The following SLC24A2 variants were observed in gnomAD, a reference collection of about 807,000 sequenced individuals.
SLC24A2 encodes sodium/potassium/calcium exchanger 2.
In SLC24A2, 36 loss-of-function variants were observed where a neutral mutation model predicts 62.0. That is an observed-to-expected ratio of 0.58 (90% CI 0.44 to 0.77). The LOEUF (loss-of-function observed/expected upper bound fraction) is 0.77, where lower values mean the gene tolerates loss of function less well. Ranked by LOEUF, SLC24A2 falls within the 30% of genes least tolerant of loss-of-function variation. The probability of loss-of-function intolerance (pLI) is 0.00; values close to 1 mark genes in which losing one functional copy is unlikely to be tolerated. For missense variants in SLC24A2, 846 were observed against 817.9 expected, an observed-to-expected ratio of 1.03 and a Z score of -0.42; for synonymous variants, 358 against 294.0, an observed-to-expected ratio of 1.22 and a Z score of -2.23.
At chr9:20,076,624 C>T in the SLC24A2 span, among the ~76,000 whole-genome samples, 251 of 152,152 alleles carry the variant, frequency 1.6e-3, no homozygotes, top group African/African-American at 5.2e-3. Flanking sequence ...AAATGTTAAA[C>T]CAACTGCTTT....
chr9:20,051,413 A>G, the SLC24A2 span, among the ~76,000 whole-genome samples: 2 of 152,104 alleles, frequency 1.3e-5, no homozygotes, highest in East Asian at 1.9e-4. Flanking sequence ...GACATTTTAT[A>G]TATCTCAGTA....
the SLC24A2 span, among the ~76,000 whole-genome samples, chr9:20,061,178 C>T: frequency 6.6e-6 from 1 of 152,010 alleles, no homozygotes; most frequent in Admixed American, 6.6e-5. Flanking sequence ...ACAAAGTATA[C>T]TTACTATAAA....
intron 9 of SLC24A2, 65 bp from the exon 10 acceptor site, chr9:19,521,125 A>G: frequency 6.8e-7 from 1 of 1,464,038 alleles, no homozygotes; most frequent in Non-Finnish European, 9.5e-7. Flanking sequence ...AAATCACAAA[A>G]ATTTCAATGC....
chr9:19,908,091 A>G, the SLC24A2 span, among the ~76,000 whole-genome samples: 1 of 152,214 alleles, frequency 6.6e-6, no homozygotes, highest in African/African-American at 2.4e-5. Flanking sequence ...ACTATACTAC[A>G]AGGCTACAGT....
the SLC24A2 span, among the ~76,000 whole-genome samples, chr9:20,141,399 C>T: frequency 3.3e-5 from 5 of 152,082 alleles, no homozygotes; most frequent in Non-Finnish European, 7.4e-5. Flanking sequence ...TGGTTTTACC[C>T]TTAAAATCTA....
the SLC24A2 span, among the ~76,000 whole-genome samples, chr9:19,988,960 G>T: frequency 6.6e-6 from 1 of 152,172 alleles, no homozygotes; most frequent in Non-Finnish European, 1.5e-5. Flanking sequence ...CTTTTAGGAA[G>T]CTAACTTTCT....
At chr9:19,646,518 A>G (rs1818641816) in intron 2 of SLC24A2, among the ~76,000 whole-genome samples, 1 of 152,170 alleles carries the variant, frequency 6.6e-6, no homozygotes, top group Non-Finnish European at 1.5e-5. Flanking sequence ...CTTTTAAAGA[A>G]AGGTCATTGC....
chr9:19,877,201 G>C, the SLC24A2 span, among the ~76,000 whole-genome samples: 1 of 151,090 alleles, frequency 6.6e-6, no homozygotes, highest in Admixed American at 6.6e-5. Flanking sequence ...ACTTCCAAAA[G>C]GGAGGGAAAT....
At chr9:19,709,337 G>A (rs1347683835) in intron 2 of SLC24A2, among the ~76,000 whole-genome samples, 1 of 152,236 alleles carries the variant, frequency 6.6e-6, no homozygotes, top group East Asian at 1.9e-4. Context: ...TATTGTGGAA[G>A]TCAGTGTGGC....
At chr9:19,642,274 A>G (rs1210560035) in intron 2 of SLC24A2, among the ~76,000 whole-genome samples, 50 of 152,128 alleles carry the variant, frequency 3.3e-4, no homozygotes, top group Admixed American at 3.2e-3. Flanking sequence ...CTGGGACCAG[A>G]GGAGGAAATA....
At chr9:20,258,038 A>C in the SLC24A2 span, among the ~76,000 whole-genome samples, 4 of 152,138 alleles carry the variant, frequency 2.6e-5, no homozygotes, top group African/African-American at 9.7e-5. Context: ...ACCTTTTTGC[A>C]TTATAGATTT....
At chr9:19,621,690 A>C (rs1817912796) in intron 3 of SLC24A2, among the ~76,000 whole-genome samples, 1 of 152,210 alleles carries the variant, frequency 6.6e-6, no homozygotes, top group South Asian at 2.1e-4. Flanking sequence ...TTTATCAATA[A>C]TAACTCGTCA....
At chr9:20,196,854 G>A in the SLC24A2 span, among the ~76,000 whole-genome samples, 11 of 152,238 alleles carry the variant, frequency 7.2e-5, 2 homozygotes, top group African/African-American at 2.4e-4. Context: ...AACACTTGTG[G>A]AATTGGCATA....
chr9:20,008,334 G>C, the SLC24A2 span, among the ~76,000 whole-genome samples: 1 of 152,142 alleles, frequency 6.6e-6, no homozygotes, highest in Admixed American at 6.5e-5. Flanking sequence ...GCTGTCTACA[G>C]AGGTGTCTTT....
the SLC24A2 span, among the ~76,000 whole-genome samples, chr9:20,049,392 G>A: frequency 3.3e-5 from 5 of 152,000 alleles, no homozygotes; most frequent in African/African-American, 9.7e-5. Flanking sequence ...TATCTAGCTA[G>A]CTAAACTAAA....
At chr9:20,095,341 G>T in the SLC24A2 span, among the ~76,000 whole-genome samples, 1 of 152,162 alleles carries the variant, frequency 6.6e-6, no homozygotes, top group Non-Finnish European at 1.5e-5. Context: ...AACTTGATTG[G>T]CCCACAGGGT....
At chr9:19,761,241 T>C (rs749935455) in intron 2 of SLC24A2, among the ~76,000 whole-genome samples, 1 of 152,064 alleles carries the variant, frequency 6.6e-6, no homozygotes, top group Non-Finnish European at 1.5e-5. Context: ...CCAGACTATC[T>C]TCTACAATGG....
the SLC24A2 span, among the ~76,000 whole-genome samples, chr9:19,949,715 C>T: frequency 6.6e-6 from 1 of 152,180 alleles, no homozygotes; most frequent in East Asian, 1.9e-4. Flanking sequence ...TTTCTCTTTT[C>T]CCCTTCCCAA....
chr9:19,671,085 G>C, intron 2 of SLC24A2, among the ~76,000 whole-genome samples: 1 of 59,972 alleles, frequency 1.7e-5, no homozygotes, highest in South Asian at 8.8e-4. Context: ...CACATGTGAA[G>C]AATGATGGTG....
Sources: allele counts gnomAD v4.1 joint callset (sites outside exome capture counted in the v4.1 genomes callset), GRCh38; gene constraint gnomAD v4.1.1; transcripts MANE v1.5; gene names NCBI Gene and HGNC (gene_info 2026-07-23, HGNC 2026-07-21).